The following TMC8 variants were observed in gnomAD, a reference collection of about 807,000 sequenced individuals.
TMC8 encodes the protein transmembrane channel-like protein 8.
Under a neutral mutation model 76.0 loss-of-function variants are expected in TMC8, and 71 were observed. That is an observed-to-expected ratio of 0.93 (90% confidence interval 0.77 to 1.14). TMC8 has a LOEUF of 1.14. Ranked by LOEUF, TMC8 falls within the 50% of genes most tolerant of loss-of-function variation. The pLI, the probability that TMC8 is intolerant of heterozygous loss-of-function variation, is 0.00. For missense variants in TMC8, 924 were observed against 947.9 expected, an observed-to-expected ratio of 0.97 and a Z score of 0.33; for synonymous variants, 433 against 433.8, an observed-to-expected ratio of 1.00 and a Z score of 0.02.
intron 14 of TMC8, 181 bp from the exon 15 acceptor site, chr17:78,138,981 G>C: frequency 6.5e-7 from 1 of 1,545,164 alleles, no homozygotes; most frequent in Non-Finnish European, 8.7e-7. Flanking sequence ...CTGTGCCAGA[G>C]GGGAGGGGAT....
In TMC8 at chr17:78,138,421, C is replaced by G; in HGVS notation, c.1606C>G (p.Leu536Val). Residue 536 changes from leucine to valine, a missense_variant, in exon 13 of 16, where the codon CTA (leucine) becomes GTA (valine). By Grantham distance (32) the Leu-to-Val change is conservative. Coordinates refer to ENST00000318430, the MANE Select transcript of TMC8 (RefSeq NM_152468.5). Reference protein sequence around the residue: ...RASSSTFFFQLVLLLGLLLAA... With the variant: ...RASSSTFFFQVVLLLGLLLAA... Reference sequence around the variant, plus strand: ...CTCCAGCTCCACCTTCTTCTTCCAGCTAGTGCTCCTCCTGGGCCTGCTTCT... The same window carrying G: ...CTCCAGCTCCACCTTCTTCTTCCAGGTAGTGCTCCTCCTGGGCCTGCTTCT... 1 of 1,612,994 alleles carries G rather than the reference C, an allele frequency of 6.2e-7. No homozygotes were observed. Among genetic ancestry groups the G allele is most frequent in the Non-Finnish European group, 8.5e-7 (1 of 1,180,012 alleles).
At chr17:78,139,297 T>C in intron 15 of TMC8, 57 bp downstream of exon 15, 1 of 1,597,646 alleles carries the variant, frequency 6.3e-7, no homozygotes, top group Non-Finnish European at 8.6e-7. Context: ...CCCTTCCCTA[T>C]GTGTGGCCGA....
At position 78,132,347 on chromosome 17, in the gene TMC8, C is replaced by T. The variant is rs763882289; in HGVS notation, c.299-12C>T. On this transcript the variant is annotated splice_polypyrimidine_tract_variant and intron_variant, in intron 3 of 15. Coordinates refer to ENST00000318430, the MANE Select transcript of TMC8 (RefSeq NM_152468.5). ...CCCGGCCTCCCTGACCCACCCTGCT[C>T]TCCCACTGCAGGCCTCTTCGGCACA... is the stretch of plus-strand genomic sequence containing the variant. 6.2e-7 allele frequency: 1 copy of T among 1,612,646 alleles called. No individual in the cohort carries two copies. The highest frequency in any genetic ancestry group is 1.1e-5 in the South Asian group (1 of 91,026).
At chr17:78,137,959 G>T in intron 11 of TMC8, 46 bp from the exon 12 acceptor site, 2 of 1,610,682 alleles carry the variant, frequency 1.2e-6, no homozygotes, top group Non-Finnish European at 1.7e-6. Context: ...TACAGCCCAC[G>T]CATCTGTCTG....
intron 12 of TMC8, 65 bp downstream of exon 12, chr17:78,138,253 G>A (rs1567804533): frequency 6.8e-6 from 11 of 1,612,526 alleles, no homozygotes; most frequent in Admixed American, 1.7e-5. Context: ...AGCTGGGCTC[G>A]CCTCCTGCTC....
rs4789015 is a variant in TMC8 at position 78,142,496 on chromosome 17, A to G, written c.*1384A>G. The G allele has an allele frequency of 0.6, 91,911 of 152,314 alleles. 28,227 individuals carry two copies. Among genetic ancestry groups the G allele is most frequent in the Middle Eastern group, 0.74 (218 of 296 alleles). The allele number at this position is 152,314 out of a possible 1,614,324, so 9.4% of individuals were successfully genotyped here. A position where few individuals can be genotyped will look rare whatever the true frequency, so the allele number is the denominator to read the frequency against. ...AGACTTGGCCAGTTCCGCCTCTCCC[A>G]CGGCCGTCCTTGTCTCACCCAGCAT... On this transcript the variant is annotated 3_prime_UTR_variant, in exon 16 of 16. Coordinates refer to ENST00000318430, the MANE Select transcript of TMC8 (RefSeq NM_152468.5).
chr17:78,133,964 C>T lies in TMC8; in HGVS notation c.780C>T (p.Ala260=). Residue 260 remains alanine (A), a synonymous_variant, in exon 7 of 16, where the codon GCC becomes GCT. Transcript: ENST00000318430. ...WDFCIRVQEA[A]TIKKHEISNE... is the part of the protein sequence containing the mutation. ...TCTGCATCCGGGTGCAGGAAGCAGC[C>T]ACCATCAAGAAGCATGAGATCAGCA... 1 of 1,613,778 alleles carries T rather than the reference C, an allele frequency of 6.2e-7. No individual in the cohort carries two copies. Among genetic ancestry groups the T allele is most frequent in the Non-Finnish European group, 8.5e-7 (1 of 1,180,046 alleles).
chr17:78,134,023 G>C, intron 7 of TMC8, 23 bp downstream of exon 7: 2 of 1,613,566 alleles, frequency 1.2e-6, no homozygotes, highest in Non-Finnish European at 1.7e-6. Context: ...GTGAGTGCCT[G>C]AGATCCACAA....
At chr17:78,139,761 C>A (rs1381765825) in intron 15 of TMC8, among the ~76,000 whole-genome samples, 2 of 137,526 alleles carry the variant, frequency 1.5e-5, no homozygotes, top group African/African-American at 5.6e-5. Flanking sequence ...AAACCGGGCA[C>A]GGTGGTTCGT....
At chr17:78,133,744 C>A in intron 6 of TMC8, 109 bp from the exon 7 acceptor site, 2 of 1,569,298 alleles carry the variant, frequency 1.3e-6, no homozygotes, top group South Asian at 1.1e-5. Flanking sequence ...CTCACCAGGA[C>A]CTGCACCTGG....
At chr17:78,132,279 G>T in intron 3 of TMC8, 80 bp from the exon 4 acceptor site, 1 of 1,558,040 alleles carries the variant, frequency 6.4e-7, no homozygotes, top group East Asian at 2.3e-5. Flanking sequence ...CACGCCGTCC[G>T]GTGGGCCCGC....
chr17:78,139,217 A>G lies in TMC8; in HGVS notation c.1879A>G (p.Arg627Gly). ...CCAGGCCAATGCCAGGGCCATCCACAGGCTCCGGAAGCAGCTGGTGTGGGT... is the reference window on the plus strand; with the variant it reads ...CCAGGCCAATGCCAGGGCCATCCACGGGCTCCGGAAGCAGCTGGTGTGGGT... ...QTQANARAIH[R>G]LRKQLVWQVQ... The change falls in exon 15 of 16, where the codon AGG (arginine) becomes GGG (glycine). Residue 627 changes from arginine (R) to glycine (G), a missense_variant. Physicochemically the swap from Arg to Gly is moderately radical, Grantham distance 125. Transcript: ENST00000318430. The G allele has an allele frequency of 6.2e-7, 1 of 1,613,636 alleles. No homozygotes were observed.
Position 78,132,890 on chromosome 17 carries a change from G to A in TMC8, c.531+20G>A. The A allele has an allele frequency of 1.2e-6, 2 of 1,613,696 alleles. No individual in the cohort carries two copies. On this transcript the variant is annotated intron_variant, in intron 5 of 15. Coordinates refer to ENST00000318430, the MANE Select transcript of TMC8 (RefSeq NM_152468.5). ...GGCAGGGTGAGTGAGGTCTGTCCCG[G>A]CTATGGTCCAGAGTCTGGGAGACCC...
In TMC8 at chr17:78,141,967, G is replaced by C. The variant is rs551197507; in HGVS notation, c.*855G>C. 84 of 152,398 alleles carry C rather than the reference G, an allele frequency of 5.5e-4. No individual in the cohort carries two copies. Among genetic ancestry groups the C allele is most frequent in the African/African-American group, 2.0e-3 (83 of 41,584 alleles). The allele number at this position is 152,398 out of a possible 1,614,324, so 9.4% of individuals were successfully genotyped here. ...GGGGTGAAGGTACCCGCACCGCCTG[G>C]GCCTTAGTGGTATGTACGGGCCTGC... On this transcript the variant is annotated 3_prime_UTR_variant, in exon 16 of 16. Coordinates refer to ENST00000318430, the MANE Select transcript of TMC8 (RefSeq NM_152468.5).
Position 78,140,929 on chromosome 17 carries a change from C to T in TMC8, c.1998C>T (p.Ser666=). The part of the protein sequence containing the change: ...SDSPGPKYPA[S]QASRPQSFCP... ...CTCCGGGCCCCAAGTACCCTGCCTCCCAAGCTTCGCGCCCGCAGTCCTTCT... is the reference window on the plus strand; with the variant it reads ...CTCCGGGCCCCAAGTACCCTGCCTCTCAAGCTTCGCGCCCGCAGTCCTTCT... The change falls in exon 16 of 16, where the codon TCC becomes TCT. Residue 666 remains serine, a synonymous_variant. Transcript: ENST00000318430. 6.3e-7 allele frequency: 1 copy of T among 1,599,204 alleles called. No homozygotes were observed. The highest frequency in any genetic ancestry group is 8.5e-7 in the Non-Finnish European group (1 of 1,173,772).
At chr17:78,134,740 G>T in intron 8 of TMC8, 130 bp from the exon 9 acceptor site, 1 of 1,538,942 alleles carries the variant, frequency 6.5e-7, no homozygotes, top group Non-Finnish European at 8.8e-7. Context: ...CCAGGCTGCT[G>T]CAGGGAATAG....
At chr17:78,131,099 T>G in intron 1 of TMC8, 182 bp from the exon 2 acceptor site, 1 of 213,748 alleles carries the variant, frequency 4.7e-6, no homozygotes, top group East Asian at 1.6e-4. Context: ...AACTGTGGGG[T>G]TTGGGACACA....
At position 78,131,954 on chromosome 17, in the gene TMC8, A is replaced by C; in HGVS notation, c.222A>C (p.Glu74Asp). 1 of 1,517,040 alleles carries C rather than the reference A, an allele frequency of 6.6e-7. No homozygotes were observed. Among genetic ancestry groups the C allele is most frequent in the Non-Finnish European group, 8.8e-7 (1 of 1,137,914 alleles). The allele number at this position is 1,517,040 out of a possible 1,614,324, so 94.0% of individuals were successfully genotyped here. ...QRWQRRRQTV[E>D]RRLREAAQRL... Reference sequence around the variant, plus strand: ...GGCAGCGCCGGCGGCAGACGGTGGAAAGGCGCCTGCGGGAGGCAGCGCAGC... The same window carrying C: ...GGCAGCGCCGGCGGCAGACGGTGGACAGGCGCCTGCGGGAGGCAGCGCAGC... Residue 74 changes from glutamate to aspartate, a missense_variant, in exon 3 of 16, where the codon GAA (glutamate) becomes GAC (aspartate). Glu to Asp is a conservative substitution (Grantham distance 45). Transcript: ENST00000318430.
rs2074978519 is a variant in TMC8 at position 78,131,753 on chromosome 17, GC to G, written c.149+17del. ...GCCTCATCTGGTGGGTGCCACGCGG[GC>G]GCCAGACGGTGCGTGGGGGGGGTGC... On this transcript the variant is annotated intron_variant, in intron 2 of 15. Transcript: ENST00000318430. 1.3e-6 allele frequency: 2 copies of G among 1,573,804 alleles called. No homozygotes were observed. Among genetic ancestry groups the G allele is most frequent in the East Asian group, 4.6e-5 (2 of 43,136 alleles).
Sources: gnomAD v4.1 joint callset for allele counts (sites outside exome capture counted in the v4.1 genomes callset) on GRCh38, gnomAD v4.1.1 for gene constraint, MANE v1.5 for transcripts, NCBI Gene and HGNC (gene_info 2026-07-23, HGNC 2026-07-21) for gene names.